Variants in EYS observed in about 807,000 individuals in gnomAD.
EYS encodes EGF-like photoreceptor maintenance factor.
A neutral mutation model predicts 282.1 loss-of-function variants in EYS; 250 were observed. The ratio of observed to expected loss-of-function variants is 0.89; its 90% CI spans 0.80 to 0.98. The LOEUF (loss-of-function observed/expected upper bound fraction) is 0.98. Ranked by LOEUF, EYS falls within the 50% of genes least tolerant of loss-of-function variation. EYS has a pLI of 0.00. For missense variants in EYS, 4,016 were observed against 3,709.0 expected (o/e 1.08, Z -2.15); for synonymous variants, 1,355 against 1,282.9 (o/e 1.06, Z -1.20).
At chr6:64,660,221 T>C (rs1768946662) in intron 22 of EYS, among the ~76,000 whole-genome samples, 1 of 152,190 alleles carries the variant, frequency 6.6e-6, no homozygotes, top group African/African-American at 2.4e-5. Flanking sequence ...AAATTAGGTA[T>C]TGATGGGAAG....
At chr6:64,656,469 C>G (rs1054167269) in intron 22 of EYS, among the ~76,000 whole-genome samples, 1 of 152,080 alleles carries the variant, frequency 6.6e-6, no homozygotes, top group African/African-American at 2.4e-5. Flanking sequence ...TCTCCAGAAA[C>G]AGACCTTGAG....
At chr6:64,616,219 C>T (rs1176911838) in intron 24 of EYS, among the ~76,000 whole-genome samples, 2 of 152,104 alleles carry the variant, frequency 1.3e-5, no homozygotes, top group Non-Finnish European at 2.9e-5. Context: ...GCTCTTTATA[C>T]TGACTCTTCG....
intron 2 of EYS, among the ~76,000 whole-genome samples, chr6:65,543,537 T>C (rs946637496): frequency 6.6e-6 from 1 of 150,752 alleles, no homozygotes; most frequent in Non-Finnish European, 1.5e-5. Flanking sequence ...CATATGGGAA[T>C]TGATAAAATG....
chr6:65,300,432 C>A (rs904152186), intron 11 of EYS, among the ~76,000 whole-genome samples: 1 of 151,850 alleles, frequency 6.6e-6, no homozygotes, highest in Non-Finnish European at 1.5e-5. Flanking sequence ...TTTTTTTCTA[C>A]CTTTTTCTTA....
intron 21 of EYS, among the ~76,000 whole-genome samples, chr6:64,819,426 C>T (rs539101929): frequency 6.6e-6 from 1 of 152,012 alleles, no homozygotes; most frequent in South Asian, 2.1e-4. Flanking sequence ...AGTAAAGAAA[C>T]AGAATCGTCC....
intron 5 of EYS, among the ~76,000 whole-genome samples, chr6:65,467,427 G>C (rs969301745): frequency 1.3e-5 from 2 of 151,228 alleles, no homozygotes. Context: ...CTTACCAAAA[G>C]ACTAACAGTT....
chr6:64,961,194 G>A (rs755459144), intron 14 of EYS, among the ~76,000 whole-genome samples: 15 of 152,096 alleles, frequency 9.9e-5, no homozygotes, highest in Non-Finnish European at 1.9e-4. Flanking sequence ...GGGTTGAATA[G>A]TGGTTCTGTC....
intron 12 of EYS, among the ~76,000 whole-genome samples, chr6:65,064,551 A>G (rs1773685875): frequency 6.8e-6 from 1 of 146,950 alleles, no homozygotes; most frequent in African/African-American, 2.5e-5. Context: ...ATATACTAAT[A>G]TACTCTGCTA....
chr6:64,869,460 G>A (rs897267734), intron 19 of EYS, among the ~76,000 whole-genome samples: 4 of 151,438 alleles, frequency 2.6e-5, no homozygotes, highest in Admixed American at 6.6e-5. Flanking sequence ...CTAAGGTAAT[G>A]AATGAGAAGA....
chr6:64,976,353 G>A (rs1770474529), intron 14 of EYS, among the ~76,000 whole-genome samples: 1 of 151,354 alleles, frequency 6.6e-6, no homozygotes, highest in South Asian at 2.1e-4. Flanking sequence ...GTGGTGTTTG[G>A]TTTATTCAGG....
At chr6:65,331,973 T>C (rs1226314495) in intron 11 of EYS, 1 of 159,518 alleles carries the variant, frequency 6.3e-6, no homozygotes, top group African/African-American at 2.4e-5. Context: ...CACATATAAA[T>C]TTTTGTAAAG....
chr6:65,236,421 C>T (rs1405077826), intron 12 of EYS, among the ~76,000 whole-genome samples: 1 of 151,986 alleles, frequency 6.6e-6, no homozygotes, highest in Admixed American at 6.6e-5. Context: ...ACTAGCCTGC[C>T]CAATATGGTG....
chr6:64,866,831 G>A (rs550759878), intron 19 of EYS, among the ~76,000 whole-genome samples: 2 of 151,722 alleles, frequency 1.3e-5, no homozygotes, highest in East Asian at 1.9e-4. Flanking sequence ...TCAATAAAAA[G>A]AGCAGATGGT....
intron 18 of EYS, among the ~76,000 whole-genome samples, chr6:64,889,323 T>C (rs1257435225): frequency 6.6e-6 from 1 of 152,066 alleles, no homozygotes; most frequent in Non-Finnish European, 1.5e-5. Context: ...CTTTTTGTCA[T>C]GATGAAGATG....
chr6:65,414,339 A>G (rs531621202), intron 5 of EYS, among the ~76,000 whole-genome samples: 2 of 152,292 alleles, frequency 1.3e-5, no homozygotes, highest in South Asian at 2.1e-4. Flanking sequence ...AAATAGTGGC[A>G]TGATTTCACA....
chr6:64,884,288 C>T (rs754465846), intron 19 of EYS, among the ~76,000 whole-genome samples: 3 of 151,516 alleles, frequency 2.0e-5, no homozygotes, highest in Non-Finnish European at 3.0e-5. Flanking sequence ...TAACTTTCCT[C>T]TCTATCACTA....
intron 2 of EYS, among the ~76,000 whole-genome samples, chr6:65,632,559 C>A (rs1002874173): frequency 6.6e-6 from 1 of 152,204 alleles, no homozygotes; most frequent in Admixed American, 6.5e-5. Context: ...TTCCAAATTT[C>A]ATTTTATGCT....
intron 12 of EYS, among the ~76,000 whole-genome samples, chr6:65,266,941 T>G (rs1257891454): frequency 1.7e-5 from 1 of 57,962 alleles, no homozygotes; most frequent in Admixed American, 1.4e-4. Flanking sequence ...CAAACATTGA[T>G]ATATATATAT....
chr6:64,403,334 T>C (rs1773598140), intron 28 of EYS, among the ~76,000 whole-genome samples: 1 of 152,120 alleles, frequency 6.6e-6, no homozygotes, highest in East Asian at 1.9e-4. Context: ...TTTTTCTTAA[T>C]CATTAAAAGG....
Sources: gnomAD v4.1 joint callset for allele counts (sites outside exome capture counted in the v4.1 genomes callset) on GRCh38, gnomAD v4.1.1 for gene constraint, MANE v1.5 for transcripts, NCBI Gene and HGNC (gene_info 2026-07-23, HGNC 2026-07-21) for gene names.